Variants in TULP4 observed in about 807,000 individuals in gnomAD.
The protein encoded by TULP4 is TUB like protein 4.
In TULP4, 16 loss-of-function variants were observed where a neutral mutation model predicts 129.0. The ratio of observed to expected loss-of-function variants is 0.12; its 90% confidence interval spans 0.08 to 0.19. The LOEUF (loss-of-function observed/expected upper bound fraction) is 0.19, where lower values mean the gene tolerates loss of function less well. TULP4 is among the 10% of genes least tolerant of loss of function. The probability of loss-of-function intolerance (pLI) is 1.00; values close to 1 mark genes in which losing one functional copy is unlikely to be tolerated. For missense variants in TULP4, 1,842 were observed against 2,059.1 expected (o/e 0.89, Z 2.04); for synonymous variants, 998 against 854.0 (o/e 1.17, Z -2.94).
At chr6:158,322,556 A>G (rs904569553) in intron 1 of TULP4, among the ~76,000 whole-genome samples, 6 of 152,188 alleles carry the variant, frequency 3.9e-5, no homozygotes, top group African/African-American at 1.4e-4. Flanking sequence ...TTAAAGTAAT[A>G]TACTTAAGTA....
chr6:158,401,364 G>A (rs1024920033), intron 1 of TULP4, among the ~76,000 whole-genome samples: 5 of 152,112 alleles, frequency 3.3e-5, no homozygotes, highest in Admixed American at 6.6e-5. Flanking sequence ...ATGAGCCACC[G>A]CACCTGGCCA....
chr6:158,479,988 AC>A lies in TULP4; in HGVS notation c.1251+17del. ...CCCCACCATCAAGGTAAAGCCCTCC[AC>A]CCCTCCCTCTTCCTCCTCCCTCACC... On this transcript the variant is annotated intron_variant, in intron 7 of 13. Coordinates refer to ENST00000367097, the MANE Select transcript of TULP4 (RefSeq NM_020245.5). The A allele has an allele frequency of 6.4e-7, 1 of 1,573,420 alleles. No homozygotes were observed.
chr6:158,275,203 C>A (rs1052663945), intron 1 of TULP4, among the ~76,000 whole-genome samples: 1 of 152,176 alleles, frequency 6.6e-6, no homozygotes, highest in Admixed American at 6.5e-5. Flanking sequence ...ACAAGTGTCC[C>A]GCACAGTTGC....
In TULP4 at chr6:158,413,721, C is replaced by T. The variant is rs941524618; in HGVS notation, c.381+528C>T. On this transcript the variant is annotated intron_variant, in intron 2 of 13. Coordinates refer to ENST00000367097, the MANE Select transcript of TULP4 (RefSeq NM_020245.5). This position sits in a 1 kb window ranked among gnomAD's most constrained non-coding sequence, Gnocchi z 4.9. Reference sequence around the variant, plus strand: ...TGTCTCTGCTCTCAGGAAACAGTTGCACCCAGGACAGCCTGCTGAGCTGCG... The same window carrying T: ...TGTCTCTGCTCTCAGGAAACAGTTGTACCCAGGACAGCCTGCTGAGCTGCG... 1.4e-5 allele frequency among the ~76,000 whole-genome samples: 2 copies of T among 145,748 alleles called. No homozygotes were observed. The highest frequency in any genetic ancestry group is 1.5e-5 in the Non-Finnish European group (1 of 66,018).
At chr6:158,443,768 TA>T (rs924193891) in intron 3 of TULP4, among the ~76,000 whole-genome samples, 24 of 149,826 alleles carry the variant, frequency 1.6e-4, no homozygotes, top group Admixed American at 6.0e-4. Flanking sequence ...TTTCATCTTT[TA>T]AAAAAAAAAA....
chr6:158,265,545 G>A (rs1256653881), intron 1 of TULP4, among the ~76,000 whole-genome samples: 1 of 152,072 alleles, frequency 6.6e-6, no homozygotes. Flanking sequence ...TTAGCTGGGC[G>A]TGATGGCATG....
At chr6:158,405,333 CA>C (rs1777953994) in intron 1 of TULP4, among the ~76,000 whole-genome samples, 1 of 151,996 alleles carries the variant, frequency 6.6e-6, no homozygotes, top group African/African-American at 2.4e-5. Flanking sequence ...CCAGCGGAGT[CA>C]AAGGAATTAG....
Position 158,489,741 on chromosome 6 carries a change from A to G in TULP4, c.1631+9A>G. On this transcript the variant is annotated intron_variant, in intron 9 of 13. Coordinates refer to ENST00000367097, the MANE Select transcript of TULP4 (RefSeq NM_020245.5). ...TCACCCAAACTCCCAAGGTAATCTCAGTCTTTGGGGAGATCGTCCTTTCTT... is the reference window on the plus strand; with the variant it reads ...TCACCCAAACTCCCAAGGTAATCTCGGTCTTTGGGGAGATCGTCCTTTCTT... 6.2e-7 allele frequency: 1 copy of G among 1,609,500 alleles called. No homozygotes were observed.
chr6:158,310,364 A>G (rs1237286730), upstream of TULP4: 2 of 134,242 alleles, frequency 1.5e-5, no homozygotes, highest in Non-Finnish European at 3.1e-5. Flanking sequence ...TCTTTCGCCC[A>G]GGCTGGAGTG....
intron 1 of TULP4, chr6:158,242,599 C>A: frequency 1.4e-6 from 1 of 714,294 alleles, no homozygotes; most frequent in Non-Finnish European, 2.6e-6. Flanking sequence ...GAGTTATTGG[C>A]TAACAGTTTG....
At chr6:158,286,496 C>A (rs1408692096) in intron 1 of TULP4, among the ~76,000 whole-genome samples, 1 of 152,060 alleles carries the variant, frequency 6.6e-6, no homozygotes, top group East Asian at 1.9e-4. Flanking sequence ...CTTGTTTATT[C>A]TTGTATACAT....
At chr6:158,403,678 G>A (rs375282920) in intron 1 of TULP4, among the ~76,000 whole-genome samples, 1 of 152,142 alleles carries the variant, frequency 6.6e-6, no homozygotes, top group Non-Finnish European at 1.5e-5. Flanking sequence ...TAATTACTAC[G>A]CTATGGAAAC....
At chr6:158,477,299 G>A (rs1779845436) in intron 6 of TULP4, among the ~76,000 whole-genome samples, 1 of 152,058 alleles carries the variant, frequency 6.6e-6, no homozygotes, top group Non-Finnish European at 1.5e-5. Context: ...GAGGGAGGAG[G>A]ACAGAGGATA....
rs1195643472 is a variant in TULP4 at position 158,364,797 on chromosome 6, C to T, written c.253-48268C>T. ...TGTCACCCAGGCTGGAGTGCAGTGG[C>T]GTGATCTTGGCTCACTGCAAGCTCT... is the stretch of plus-strand genomic sequence containing the variant. On this transcript the variant is annotated intron_variant, in intron 1 of 13. Coordinates refer to ENST00000367097, the MANE Select transcript of TULP4 (RefSeq NM_020245.5). Among the ~76,000 whole-genome samples the T allele has an allele frequency of 3.3e-5, 5 of 152,128 alleles. 1 individual carries two copies. Among genetic ancestry groups the T allele is most frequent in the South Asian group, 4.2e-4 (2 of 4,806 alleles).
chr6:158,471,375 A>G (rs1461328074), intron 6 of TULP4, among the ~76,000 whole-genome samples: 1 of 152,198 alleles, frequency 6.6e-6, no homozygotes, highest in Non-Finnish European at 1.5e-5. Flanking sequence ...TAGGAACTGG[A>G]AAGGTGAGTG....
At chr6:158,392,920 C>T (rs768785305) in intron 1 of TULP4, among the ~76,000 whole-genome samples, 4 of 145,306 alleles carry the variant, frequency 2.8e-5, no homozygotes, top group African/African-American at 5.2e-5. Context: ...CCTGCCTCAG[C>T]CTCCTGAATA....
rs148810644 is a variant in TULP4, at chr6:158,321,537, C to G, written c.252+7269C>G. ...CACCCAGACAGAACTCATTTCCCCC[C>G]GCCCCTTGAACCTCAGATCAGTTCC... On this transcript the variant is annotated intron_variant, in intron 1 of 13. Coordinates refer to ENST00000367097, the MANE Select transcript of TULP4 (RefSeq NM_020245.5). Among the ~76,000 whole-genome samples, 80 of 152,248 alleles carry G rather than the reference C, an allele frequency of 5.3e-4. No individual in the cohort carries two copies. The South Asian group carries it at 0.016, about 30-fold the overall frequency.
In TULP4 at chr6:158,245,497, A is replaced by C. The variant is rs547479281; in HGVS notation, n.68+13194A>C. Among the ~76,000 whole-genome samples the C allele has an allele frequency of 3.3e-5, 5 of 152,252 alleles. No individual in the cohort carries two copies. The South Asian group carries it at 8.3e-4, about 25-fold the overall frequency. On this transcript the variant is annotated intron_variant and non_coding_transcript_variant, in intron 1 of 1. Transcript: ENST00000620026. Reference sequence around the variant, plus strand: ...GGAGGTATGTCCTCTCAGATAGCCTATGTAGACATTGATGCACTCAGTCCA... The same window carrying C: ...GGAGGTATGTCCTCTCAGATAGCCTCTGTAGACATTGATGCACTCAGTCCA...
intron 1 of TULP4, among the ~76,000 whole-genome samples, chr6:158,288,413 A>G (rs1006588559): frequency 1.2e-4 from 18 of 152,046 alleles, no homozygotes; most frequent in African/African-American, 3.9e-4. Flanking sequence ...ATTCTTAAAT[A>G]TGATGTTTGC....
Sources: allele counts gnomAD v4.1 joint callset (sites outside exome capture counted in the v4.1 genomes callset), GRCh38; gene constraint gnomAD v4.1.1; non-coding constraint Gnocchi (gnomAD v3.1); transcripts MANE v1.5; gene names NCBI Gene and HGNC (gene_info 2026-07-23, HGNC 2026-07-21).